Variants in CNTN3 observed in about 807,000 individuals in gnomAD.
CNTN3 encodes the protein contactin 3.
In CNTN3, 60 loss-of-function variants were observed where a neutral mutation model predicts 119.1. The ratio of observed to expected loss-of-function variants is 0.50; its 90% CI spans 0.41 to 0.62. The LOEUF is 0.62. Among genes scored for constraint, CNTN3 ranks in the 20% least tolerant of loss-of-function variants. The pLI is 0.00. For synonymous variants in CNTN3, 450 were observed against 438.7 expected, an observed-to-expected ratio of 1.03 and a Z score of -0.32; for missense variants, 1,101 against 1,242.4, an observed-to-expected ratio of 0.89 and a Z score of 1.71.
intron 20 of CNTN3, among the ~76,000 whole-genome samples, chr3:74,274,595 G>T (rs1458385545): frequency 6.6e-6 from 1 of 152,032 alleles, no homozygotes; most frequent in African/African-American, 2.4e-5. Context: ...ACATCCATAG[G>T]AAAAGGGGGA....
intron 7 of CNTN3, 48 bp downstream of exon 7, chr3:74,369,841 T>A (rs757348737): frequency 1.0e-6 from 1 of 985,846 alleles, no homozygotes; most frequent in Non-Finnish European, 1.6e-6. Flanking sequence ...TGATTTCTTA[T>A]AGCAACCTAA....
intron 4 of CNTN3, among the ~76,000 whole-genome samples, chr3:74,473,235 T>C (rs1702597163): frequency 6.6e-6 from 1 of 151,630 alleles, no homozygotes; most frequent in African/African-American, 2.4e-5. Flanking sequence ...CCAGACTGAT[T>C]AGATGCTATC....
intron 5 of CNTN3, among the ~76,000 whole-genome samples, chr3:74,380,613 A>T (rs898797472): frequency 6.6e-6 from 1 of 152,236 alleles, no homozygotes; most frequent in Non-Finnish European, 1.5e-5. Flanking sequence ...AACTATGGAA[A>T]GCCCATCCTT....
chr3:74,388,291 T>A (rs1158035144), intron 5 of CNTN3, among the ~76,000 whole-genome samples: 6 of 152,294 alleles, frequency 3.9e-5, no homozygotes, highest in African/African-American at 1.4e-4. Context: ...ATCTAATATA[T>A]TAGAAGTTTA....
intron 11 of CNTN3, 56 bp from the exon 12 acceptor site, chr3:74,336,714 T>C: frequency 7.2e-7 from 1 of 1,382,342 alleles, no homozygotes; most frequent in East Asian, 2.5e-5. Context: ...TTTTTCCAAA[T>C]GAATATACAT....
At chr3:74,317,744 G>A (rs1158516672) in intron 13 of CNTN3, among the ~76,000 whole-genome samples, 13 of 152,110 alleles carry the variant, frequency 8.5e-5, no homozygotes, top group South Asian at 4.1e-4. Context: ...TGGGTAACCC[G>A]ACCTTTCTCT....
At chr3:74,596,067 G>C (rs1042571847) in intron 1 of CNTN3, among the ~76,000 whole-genome samples, 7 of 152,226 alleles carry the variant, frequency 4.6e-5, no homozygotes, top group Admixed American at 1.3e-4. Context: ...GCCAAATCAT[G>C]AGTGAACTCC....
intron 13 of CNTN3, among the ~76,000 whole-genome samples, chr3:74,332,970 G>A (rs962094864): frequency 6.6e-6 from 1 of 152,218 alleles, no homozygotes; most frequent in African/African-American, 2.4e-5. Context: ...ATGGAGTAGA[G>A]AGCTAGCTCA....
intron 1 of CNTN3, among the ~76,000 whole-genome samples, chr3:74,559,742 A>C (rs944888538): frequency 5.9e-5 from 9 of 152,172 alleles, no homozygotes; most frequent in African/African-American, 1.7e-4. Flanking sequence ...ATTTTATTTC[A>C]ATCTGTTTTC....
At chr3:74,424,725 T>A in intron 5 of CNTN3, 120 bp downstream of exon 5, 1 of 829,588 alleles carries the variant, frequency 1.2e-6, no homozygotes, top group Non-Finnish European at 2.0e-6. Flanking sequence ...GCAGACAAAA[T>A]CTAATGCTCA....
chr3:74,280,659 G>A (rs1201342547), intron 20 of CNTN3, among the ~76,000 whole-genome samples: 1 of 152,178 alleles, frequency 6.6e-6, no homozygotes. Flanking sequence ...GAGAGTCATT[G>A]TTCAACAAAT....
rs534231365 is a variant in CNTN3 at position 74,590,505 on chromosome 3, C to T, written c.-81+23886G>A. ...ACGCAGTGCTCAGAGCAACTCTGGG[C>T]AGTGCTCAGAGCAACAGCTCTTGGA... On this transcript the variant is annotated intron_variant, in intron 1 of 22. Coordinates refer to ENST00000263665, the MANE Select transcript of CNTN3 (RefSeq NM_020872.3). 3.1e-5 allele frequency among the ~76,000 whole-genome samples: 4 copies of T among 128,988 alleles called. No individual in the cohort carries two copies. In the East Asian group the frequency reaches 9.2e-4, roughly 30 times the overall value. The allele number at this position is 128,988 out of a possible 152,430, so 84.6% of individuals were successfully genotyped here.
Position 74,262,828 on chromosome 3 carries a change from A to C in CNTN3, c.*1573T>G, listed in dbSNP as rs1320611422. On this transcript the variant is annotated 3_prime_UTR_variant, in exon 23 of 23. Coordinates refer to ENST00000263665, the MANE Select transcript of CNTN3 (RefSeq NM_020872.3). ...TAGCATAAAATACAAGTATTGGAGA[A>C]AGTGGAAATAACAATGGTCATATGA... 6.6e-6 allele frequency: 1 copy of C among 152,192 alleles called. No homozygotes were observed. Among genetic ancestry groups the C allele is most frequent in the Non-Finnish European group, 1.5e-5 (1 of 67,990 alleles). The allele number at this position is 152,192 out of a possible 1,614,324, so 9.4% of individuals were successfully genotyped here.
intron 13 of CNTN3, among the ~76,000 whole-genome samples, chr3:74,307,077 A>C (rs892832770): frequency 1.1e-4 from 17 of 152,270 alleles, no homozygotes; most frequent in African/African-American, 4.1e-4. Context: ...AGTGGGTAAA[A>C]AAATAAACTA....
intron 13 of CNTN3, among the ~76,000 whole-genome samples, chr3:74,312,415 C>G (rs1401088949): frequency 7.1e-6 from 1 of 140,298 alleles, no homozygotes; most frequent in Admixed American, 7.5e-5. Flanking sequence ...GAGATTGCAC[C>G]ACTGCACTCC....
At chr3:74,608,457 C>A (rs116314079) in intron 1 of CNTN3, among the ~76,000 whole-genome samples, 1 of 152,146 alleles carries the variant, frequency 6.6e-6, no homozygotes, top group Non-Finnish European at 1.5e-5. Context: ...ATTTTGAGAA[C>A]TTCCCATTAC....
intron 4 of CNTN3, among the ~76,000 whole-genome samples, chr3:74,439,706 A>C (rs1701930068): frequency 6.6e-6 from 1 of 152,146 alleles, no homozygotes; most frequent in South Asian, 2.1e-4. Context: ...AAACAACACA[A>C]CCAAATTAAA....
chr3:74,514,347 C>A (rs1703416853), intron 2 of CNTN3, among the ~76,000 whole-genome samples: 1 of 152,058 alleles, frequency 6.6e-6, no homozygotes, highest in Non-Finnish European at 1.5e-5. Flanking sequence ...CTCTCCATTT[C>A]TAGAAGTCAT....
At chr3:74,540,194 T>C (rs895376871) in intron 1 of CNTN3, among the ~76,000 whole-genome samples, 13 of 152,288 alleles carry the variant, frequency 8.5e-5, no homozygotes, top group South Asian at 4.1e-4. Context: ...TGTATACATA[T>C]ACCCAAGATT....
Sources: gnomAD v4.1 joint callset for allele counts (sites outside exome capture counted in the v4.1 genomes callset) on GRCh38, gnomAD v4.1.1 for gene constraint, MANE v1.5 for transcripts, NCBI Gene and HGNC (gene_info 2026-07-23, HGNC 2026-07-21) for gene names.